The following AGBL1 variants were observed in gnomAD, a reference collection of about 807,000 sequenced individuals.
AGBL1 encodes the protein cytosolic carboxypeptidase 4.
A neutral mutation model predicts 118.9 loss-of-function variants in AGBL1; 130 were observed. The observed-to-expected ratio is 1.09, with a 90% CI of 0.95 to 1.26. The LOEUF (loss-of-function observed/expected upper bound fraction) is 1.26. AGBL1 is among the 50% of genes most tolerant of loss of function. The pLI is 0.00. For synonymous variants in AGBL1, 555 were observed against 478.9 expected, an observed-to-expected ratio of 1.16 and a Z score of -2.08; for missense variants, 1,584 against 1,298.1, an observed-to-expected ratio of 1.22 and a Z score of -3.38.
At chr15:86,653,067 T>G (rs1016553599) in intron 21 of AGBL1, among the ~76,000 whole-genome samples, 17 of 152,184 alleles carry the variant, frequency 1.1e-4, no homozygotes, top group Admixed American at 6.6e-5. Flanking sequence ...GAATGTATAT[T>G]CATTTTATTT....
Position 86,264,706 on chromosome 15 carries a change from A to G in AGBL1, c.1535A>G (p.Tyr512Cys), listed in dbSNP as rs1304385424. The change falls in exon 11 of 23, where the codon TAT becomes TGT. Residue 512 changes from tyrosine (Y) to cysteine (C), a missense_variant. Transcript: ENST00000614907. ...AAGCGTGTCCCTTTCCACGATCCCT[A>G]TCTTTATATGGCCAAAGCCAGAAGA... ...HLKRVPFHDP[Y>C]LYMAKARRTS... 6.2e-7 allele frequency: 1 copy of G among 1,613,992 alleles called. No homozygotes were observed. The highest frequency in any genetic ancestry group is 8.5e-7 in the Non-Finnish European group (1 of 1,179,898).
chr15:86,683,417 A>G (rs563255617), intron 22 of AGBL1, among the ~76,000 whole-genome samples: 1 of 152,284 alleles, frequency 6.6e-6, no homozygotes, highest in African/African-American at 2.4e-5. Flanking sequence ...GTGAAAGTAC[A>G]TTTTCTTCAT....
At chr15:86,533,927 A>G (rs1037972363) in intron 19 of AGBL1, among the ~76,000 whole-genome samples, 2 of 86,972 alleles carry the variant, frequency 2.3e-5, no homozygotes, top group African/African-American at 9.4e-5. Flanking sequence ...TCACATGGTC[A>G]CAGGAAGGGG....
At chr15:86,680,943 A>G (rs1331326898) in intron 22 of AGBL1, among the ~76,000 whole-genome samples, 1 of 152,090 alleles carries the variant, frequency 6.6e-6, no homozygotes. Context: ...TCTCTACTAC[A>G]TCAAAAATAT....
At chr15:86,284,315 C>T (rs577732087) in intron 16 of AGBL1, among the ~76,000 whole-genome samples, 77 of 151,398 alleles carry the variant, frequency 5.1e-4, no homozygotes, top group Non-Finnish European at 9.0e-4. Flanking sequence ...CATAATATAG[C>T]TTTGCTTATT....
At chr15:87,023,888 G>T (rs113995273) in intron 24 of AGBL1, among the ~76,000 whole-genome samples, 3,419 of 151,976 alleles carry the variant, frequency 0.022, 138 homozygotes, top group African/African-American at 0.078. Flanking sequence ...AATGATCATT[G>T]GGTCAAAAAT....
chr15:86,840,403 A>C, intron 22 of AGBL1, among the ~76,000 whole-genome samples: 1 of 152,178 alleles, frequency 6.6e-6, no homozygotes, highest in East Asian at 1.9e-4. Flanking sequence ...CAAAAGATGC[A>C]ACCCAGGATG....
intron 22 of AGBL1, among the ~76,000 whole-genome samples, chr15:86,710,073 G>C (rs1396905470): frequency 6.6e-6 from 1 of 152,120 alleles, no homozygotes; most frequent in Non-Finnish European, 1.5e-5. Context: ...CAGATAATTT[G>C]GAGGGGATGT....
At chr15:86,673,655 A>G (rs2085784887) in intron 21 of AGBL1, among the ~76,000 whole-genome samples, 1 of 152,182 alleles carries the variant, frequency 6.6e-6, no homozygotes. Flanking sequence ...GCATGCAGTA[A>G]GTGATCAATT....
intron 22 of AGBL1, among the ~76,000 whole-genome samples, chr15:86,736,384 A>C (rs1461897717): frequency 6.6e-6 from 1 of 152,098 alleles, no homozygotes; most frequent in Non-Finnish European, 1.5e-5. Context: ...TGTCTCAAAA[A>C]AAAAAAAATT....
chr15:86,397,552 T>C lies in AGBL1; in HGVS notation c.2555+6T>C. On this transcript the variant is annotated splice_donor_region_variant and intron_variant, in intron 18 of 22. Coordinates refer to ENST00000614907, the MANE Select transcript of AGBL1 (RefSeq NM_001386094.1). ...GATGGTGTCATCAACGGCAAGTATG[T>C]CAGGCACCTGGCTCAGCCAAACCCA... 1 of 1,599,792 alleles carries C rather than the reference T, an allele frequency of 6.3e-7. No individual in the cohort carries two copies.
chr15:86,694,279 GT>G (rs1462013655), intron 22 of AGBL1, among the ~76,000 whole-genome samples: 1 of 152,048 alleles, frequency 6.6e-6, no homozygotes, highest in Non-Finnish European at 1.5e-5. Context: ...TTTCAGCAGT[GT>G]TTTGGAGTTT....
At chr15:86,274,054 A>T (rs1482912826) in intron 15 of AGBL1, among the ~76,000 whole-genome samples, 1 of 152,238 alleles carries the variant, frequency 6.6e-6, no homozygotes, top group Non-Finnish European at 1.5e-5. Context: ...TAGTTTATAC[A>T]TTTAAAAAAG....
chr15:86,776,133 A>C (rs2078252311), intron 22 of AGBL1, among the ~76,000 whole-genome samples: 1 of 152,122 alleles, frequency 6.6e-6, no homozygotes, highest in Non-Finnish European at 1.5e-5. Flanking sequence ...TGAGATTTTC[A>C]GGTTGATAAA....
chr15:86,682,907 CT>C (rs1444268488), intron 22 of AGBL1, among the ~76,000 whole-genome samples: 5 of 152,096 alleles, frequency 3.3e-5, no homozygotes, highest in Non-Finnish European at 4.4e-5. Flanking sequence ...TTAACATTCC[CT>C]TTTTACCAAC....
chr15:86,877,276 C>T (rs1172707542), intron 22 of AGBL1, among the ~76,000 whole-genome samples: 1 of 152,110 alleles, frequency 6.6e-6, no homozygotes, highest in African/African-American at 2.4e-5. Flanking sequence ...AGTACCCCAA[C>T]CTGGATGGAA....
intron 24 of AGBL1, among the ~76,000 whole-genome samples, chr15:87,023,636 T>C (rs970889740): frequency 6.6e-6 from 1 of 152,064 alleles, no homozygotes; most frequent in African/African-American, 2.4e-5. Flanking sequence ...CGAATGGACT[T>C]AACAGATATA....
At chr15:86,559,849 G>T (rs2083788807) in intron 21 of AGBL1, among the ~76,000 whole-genome samples, 1 of 152,116 alleles carries the variant, frequency 6.6e-6, no homozygotes, top group African/African-American at 2.4e-5. Context: ...AGTAGAATGT[G>T]GTTGGTAAAA....
Position 86,912,006 on chromosome 15 carries a change from A to G in AGBL1, c.*4712A>G, listed in dbSNP as rs2080358439. On this transcript the variant is annotated 3_prime_UTR_variant, in exon 23 of 23. Transcript: ENST00000614907. ...GTCCCTATACCTATCATACTTCTTAACACATTGCAGGTGTTCAAAAATGTG... is the reference window on the plus strand; with the variant it reads ...GTCCCTATACCTATCATACTTCTTAGCACATTGCAGGTGTTCAAAAATGTG... 6.6e-6 allele frequency: 1 copy of G among 152,116 alleles called. No homozygotes were observed. The highest frequency in any genetic ancestry group is 2.4e-5 in the African/African-American group (1 of 41,400). 9.4% of individuals were successfully genotyped at this position (152,116 alleles called of 1,614,324 possible).
Sources: gnomAD v4.1 joint callset for allele counts (sites outside exome capture counted in the v4.1 genomes callset) on GRCh38, gnomAD v4.1.1 for gene constraint, MANE v1.5 for transcripts, NCBI Gene and HGNC (gene_info 2026-07-23, HGNC 2026-07-21) for gene names.